Variants in AK5 observed in about 807,000 individuals in gnomAD.
AK5 encodes adenylate kinase 5.
AK5 carries 27 observed loss-of-function variants against 69.5 expected under a neutral mutation model. The ratio of observed to expected loss-of-function variants is 0.39; its 90% CI spans 0.29 to 0.54. AK5 has a LOEUF of 0.54. AK5 is among the 20% of genes least tolerant of loss of function. AK5 has a pLI of 0.71. For missense variants in AK5, 531 were observed against 700.4 expected, an observed-to-expected ratio of 0.76 and a Z score of 2.73; for synonymous variants, 260 against 244.4, an observed-to-expected ratio of 1.06 and a Z score of -0.60.
intron 6 of AK5, among the ~76,000 whole-genome samples, chr1:77,341,118 A>T (rs1289310643): frequency 6.6e-6 from 1 of 152,238 alleles, no homozygotes; most frequent in Non-Finnish European, 1.5e-5. Flanking sequence ...GATACAATGC[A>T]AATATTAATG....
intron 5 of AK5, among the ~76,000 whole-genome samples, chr1:77,301,554 C>T (rs1659342145): frequency 1.3e-5 from 2 of 152,216 alleles, no homozygotes; most frequent in Non-Finnish European, 2.9e-5. Flanking sequence ...CTCCCTTCTT[C>T]CCACACATAC....
rs530730900 is a variant in AK5, at chr1:77,462,149, A to C, written c.1060-21168A>C. 2.0e-5 allele frequency among the ~76,000 whole-genome samples: 3 copies of C among 152,350 alleles called. No homozygotes were observed. In the South Asian group the frequency reaches 6.2e-4, roughly 32 times the overall value. On this transcript the variant is annotated intron_variant, in intron 8 of 13. Coordinates refer to ENST00000354567, the MANE Select transcript of AK5 (RefSeq NM_174858.3). ...CTTATCCTACTCGAAATTCATACAC[A>C]GGAGAGCCAATGGTGTATATTATAC...
chr1:77,330,851 C>T lies in AK5; in HGVS notation c.700-9526C>T, dbSNP rs181883962. On this transcript the variant is annotated intron_variant, in intron 5 of 13. Transcript: ENST00000354567. ...AAGTGTTCCATCCATGAATATGGCACATGCCTCATTTTAAGTCTTCTTTAA... is the reference window on the plus strand; with the variant it reads ...AAGTGTTCCATCCATGAATATGGCATATGCCTCATTTTAAGTCTTCTTTAA... Among the ~76,000 whole-genome samples, 139 of 152,290 alleles carry T rather than the reference C, an allele frequency of 9.1e-4. 1 individual carries two copies. The highest frequency in any genetic ancestry group is 3.4e-4 in the Non-Finnish European group (23 of 68,016).
chr1:77,542,316 C>T (rs866130636), intron 13 of AK5, among the ~76,000 whole-genome samples: 2 of 151,708 alleles, frequency 1.3e-5, no homozygotes, highest in African/African-American at 4.8e-5. Flanking sequence ...AAACGAGACT[C>T]GGTCTCAAAA....
At chr1:77,323,158 T>A (rs1042153994) in intron 5 of AK5, among the ~76,000 whole-genome samples, 2 of 151,948 alleles carry the variant, frequency 1.3e-5, no homozygotes, top group Non-Finnish European at 2.9e-5. Flanking sequence ...CCGGCTAATT[T>A]TTTTTGTATT....
intron 6 of AK5, among the ~76,000 whole-genome samples, chr1:77,347,304 A>G (rs1487283359): frequency 6.6e-6 from 1 of 152,224 alleles, no homozygotes; most frequent in Non-Finnish European, 1.5e-5. Context: ...CTGAAGCAAC[A>G]TGAGAAATAC....
chr1:77,365,115 A>G (rs1166598119), intron 6 of AK5, among the ~76,000 whole-genome samples: 1 of 152,012 alleles, frequency 6.6e-6, no homozygotes, highest in Non-Finnish European at 1.5e-5. Flanking sequence ...TTCCTTGATG[A>G]TTAGTGATAT....
At chr1:77,300,105 C>T (rs1659248550) in intron 5 of AK5, among the ~76,000 whole-genome samples, 1 of 152,146 alleles carries the variant, frequency 6.6e-6, no homozygotes, top group African/African-American at 2.4e-5. Flanking sequence ...GAAATTCCTA[C>T]TCATGTGACT....
intron 11 of AK5, among the ~76,000 whole-genome samples, chr1:77,521,038 T>A (rs949212389): frequency 2.0e-5 from 3 of 152,262 alleles, no homozygotes; most frequent in Admixed American, 6.5e-5. Context: ...GAAAGTGATG[T>A]TACTTGAAAA....
At chr1:77,376,980 A>C (rs754245118) in intron 6 of AK5, among the ~76,000 whole-genome samples, 6 of 152,210 alleles carry the variant, frequency 3.9e-5, no homozygotes, top group Non-Finnish European at 8.8e-5. Flanking sequence ...ACCATTAAAT[A>C]ACACTGGTCC....
chr1:77,471,746 G>A (rs1654523589), intron 8 of AK5, among the ~76,000 whole-genome samples: 1 of 152,208 alleles, frequency 6.6e-6, no homozygotes, highest in African/African-American at 2.4e-5. Context: ...TGGTAGTAAT[G>A]AAGATAAAGT....
Position 77,297,614 on chromosome 1 carries a change from A to G in AK5, c.471A>G (p.Gly157=), listed in dbSNP as rs1335401433. The change falls in exon 4 of 14, where the codon GGA becomes GGG. Residue 157 remains glycine (G), a synonymous_variant. Transcript: ENST00000354567. ...GTTTGAAAATTGCAGAACGATATGG[A>G]TTCCAATACATTTCTGTGGGAGAAT... ...TQSLKIAERY[G]FQYISVGELL... 1 of 1,613,800 alleles carries G rather than the reference A, an allele frequency of 6.2e-7. No individual in the cohort carries two copies. Among genetic ancestry groups the G allele is most frequent in the Admixed American group, 1.7e-5 (1 of 59,944 alleles).
At chr1:77,532,560 T>G (rs1250273470) in intron 12 of AK5, among the ~76,000 whole-genome samples, 4 of 152,182 alleles carry the variant, frequency 2.6e-5, no homozygotes, top group African/African-American at 9.7e-5. Flanking sequence ...TCTGAGGGCC[T>G]CCATTTCCTC....
intron 6 of AK5, among the ~76,000 whole-genome samples, chr1:77,394,599 A>G (rs1648711882): frequency 6.6e-6 from 1 of 151,968 alleles, no homozygotes; most frequent in Non-Finnish European, 1.5e-5. Flanking sequence ...TTACTGAACA[A>G]TGAACTCTAG....
intron 12 of AK5, among the ~76,000 whole-genome samples, chr1:77,522,983 T>C (rs1658079985): frequency 6.6e-6 from 1 of 152,152 alleles, no homozygotes; most frequent in Admixed American, 6.5e-5. Flanking sequence ...GACTTCCCCA[T>C]GGCCACACAG....
At chr1:77,388,281 A>G (rs1034739660) in intron 6 of AK5, among the ~76,000 whole-genome samples, 3 of 152,234 alleles carry the variant, frequency 2.0e-5, no homozygotes, top group African/African-American at 7.2e-5. Flanking sequence ...AGTGACATGC[A>G]TATTTTATGA....
chr1:77,409,545 A>C (rs1252290071), intron 6 of AK5, among the ~76,000 whole-genome samples: 1 of 151,740 alleles, frequency 6.6e-6, no homozygotes, highest in Non-Finnish European at 1.5e-5. Context: ...TTCTTTTGAG[A>C]CATGTCTGTT....
At chr1:77,291,637 T>C (rs1202468695) in intron 2 of AK5, among the ~76,000 whole-genome samples, 1 of 152,196 alleles carries the variant, frequency 6.6e-6, no homozygotes, top group African/African-American at 2.4e-5. Context: ...GGAAACTATT[T>C]CAGTAAGATG....
At chr1:77,346,496 G>T (rs908760018) in intron 6 of AK5, among the ~76,000 whole-genome samples, 5 of 152,146 alleles carry the variant, frequency 3.3e-5, no homozygotes, top group African/African-American at 1.2e-4. Context: ...ACCCAAAGGA[G>T]AAAAGAATTT....
Sources: allele counts gnomAD v4.1 joint callset (sites outside exome capture counted in the v4.1 genomes callset), GRCh38; gene constraint gnomAD v4.1.1; transcripts MANE v1.5; gene names NCBI Gene and HGNC (gene_info 2026-07-23, HGNC 2026-07-21).